The following GALK2 variants were observed in gnomAD, a reference collection of about 807,000 sequenced individuals.
GALK2 encodes the protein N-acetylgalactosamine kinase.
In GALK2, 36 loss-of-function variants were observed where a neutral mutation model predicts 52.4. The ratio of observed to expected loss-of-function variants is 0.69; its 90% confidence interval spans 0.53 to 0.91. The LOEUF is 0.91. GALK2 is among the 40% of genes least tolerant of loss of function. The pLI is 0.00. For synonymous variants in GALK2, 176 were observed against 199.1 expected (o/e 0.88, Z 0.98); for missense variants, 579 against 559.1 (o/e 1.04, Z -0.36).
chr15:49,219,239 A>G (rs771799129), intron 3 of GALK2, among the ~76,000 whole-genome samples: 8 of 152,172 alleles, frequency 5.3e-5, no homozygotes, highest in Non-Finnish European at 1.0e-4. Flanking sequence ...TAATTGAATC[A>G]TGGGGGCAAG....
intron 9 of GALK2, among the ~76,000 whole-genome samples, chr15:49,324,908 T>C (rs182392937): frequency 9.8e-5 from 15 of 152,294 alleles, no homozygotes; most frequent in Non-Finnish European, 1.9e-4. Context: ...CCTGAAATAA[T>C]TTATTTCATA....
intron 3 of GALK2, among the ~76,000 whole-genome samples, chr15:49,358,283 G>A (rs1375783922): frequency 1.5e-5 from 2 of 137,726 alleles, no homozygotes; most frequent in Non-Finnish European, 3.2e-5. Flanking sequence ...ATTAGGAAAA[G>A]AGGAAGTCAA....
chr15:49,335,348 G>T, downstream of GALK2: 2 of 993,784 alleles, frequency 2.0e-6, no homozygotes, highest in Non-Finnish European at 3.1e-6. Context: ...TAGTTTAGAT[G>T]ATTTCTCTGA....
intron 3 of GALK2, among the ~76,000 whole-genome samples, chr15:49,221,573 A>G (rs2089792970): frequency 6.6e-6 from 1 of 152,122 alleles, no homozygotes; most frequent in South Asian, 2.1e-4. Flanking sequence ...AGGCTGAGGC[A>G]GGAGAATTGC....
intron 1 of GALK2, 73 bp downstream of exon 1, chr15:49,170,448 G>A: frequency 1.4e-6 from 2 of 1,460,920 alleles, no homozygotes; most frequent in Non-Finnish European, 1.9e-6. Context: ...ACAGCACTTG[G>A]CTCCTCCCTT....
intron 5 of GALK2, among the ~76,000 whole-genome samples, chr15:49,243,628 CA>C (rs574894009): frequency 6.6e-6 from 1 of 150,706 alleles, no homozygotes; most frequent in Admixed American, 6.6e-5. Flanking sequence ...ACCAAACAAA[CA>C]AAAAAAACAG....
chr15:49,269,650 G>A (rs1312182321), intron 5 of GALK2, among the ~76,000 whole-genome samples: 3 of 152,056 alleles, frequency 2.0e-5, no homozygotes, highest in Admixed American at 6.5e-5. Context: ...AAGTTAAGAC[G>A]CTGCTGTCTC....
Position 49,328,555 on chromosome 15 carries a change from T to C in GALK2, c.*396T>C, listed in dbSNP as rs1356943578. ...ATGCATTATTCTTGAATAGAGTTCATTTCTGGTTTCTCTTAGTATTCTTCT... is the reference window on the plus strand; with the variant it reads ...ATGCATTATTCTTGAATAGAGTTCACTTCTGGTTTCTCTTAGTATTCTTCT... On this transcript the variant is annotated 3_prime_UTR_variant, in exon 10 of 10. Transcript: ENST00000560031. The C allele has an allele frequency of 3.2e-5, 52 of 1,606,428 alleles. No homozygotes were observed. The highest frequency in any genetic ancestry group is 8.9e-5 in the East Asian group (4 of 44,758).
At chr15:49,204,103 CAAA>C (rs373448754) in intron 2 of GALK2, among the ~76,000 whole-genome samples, 11 of 103,548 alleles carry the variant, frequency 1.1e-4, no homozygotes, top group Admixed American at 1.1e-4. Flanking sequence ...GATTCTGTCT[CAAA>C]AAAAAAAAAA....
chr15:49,365,815 A>C (rs780655776), intron 3 of GALK2: 9 of 867,152 alleles, frequency 1.0e-5, no homozygotes, highest in Non-Finnish European at 1.6e-5. Context: ...AGAGAGAAAC[A>C]TAAGTCTCAC....
chr15:49,357,471 A>G (rs559992525), intron 3 of GALK2, among the ~76,000 whole-genome samples: 14 of 152,118 alleles, frequency 9.2e-5, no homozygotes, highest in Non-Finnish European at 1.9e-4. Flanking sequence ...ATGCAAATAA[A>G]CTAGAAAATC....
chr15:49,321,931 G>A (rs1289418831), intron 9 of GALK2, among the ~76,000 whole-genome samples: 1 of 152,216 alleles, frequency 6.6e-6, no homozygotes, highest in African/African-American at 2.4e-5. Flanking sequence ...GTAATGTGTA[G>A]AGTAGGATGA....
chr15:49,283,573 T>G lies in GALK2; in HGVS notation c.611T>G (p.Leu204Trp), dbSNP rs1446677677. The change falls in exon 7 of 10, where the codon TTG becomes TGG. Residue 204 changes from leucine to tryptophan, a missense_variant. Physicochemically the swap from Leu to Trp is moderately conservative, Grantham distance 61. Coordinates refer to ENST00000560031, the MANE Select transcript of GALK2 (RefSeq NM_002044.4). ...TCATTTTTCTTCTAACAGGCCAAGT[T>G]GATAGAATTTAGTCCTCTGAGGGCA... ...SFLAEEGTAK[L>W]IEFSPLRATD... The G allele has an allele frequency of 6.2e-7, 1 of 1,610,558 alleles. No individual in the cohort carries two copies. Among genetic ancestry groups the G allele is most frequent in the Non-Finnish European group, 8.5e-7 (1 of 1,178,364 alleles).
intron 7 of GALK2, among the ~76,000 whole-genome samples, chr15:49,284,814 C>CTA (rs991888692): frequency 1.7e-4 from 26 of 152,158 alleles, no homozygotes; most frequent in Non-Finnish European, 1.5e-5. Flanking sequence ...GTATGTCTCT[C>CTA]TATATCTGCA....
chr15:49,312,123 G>A (rs142045375), intron 8 of GALK2, among the ~76,000 whole-genome samples: 2 of 152,280 alleles, frequency 1.3e-5, no homozygotes, highest in Non-Finnish European at 2.9e-5. Context: ...TCTAGATCCA[G>A]ACACCCTCTT....
At chr15:49,158,284 A>C (rs564715407) in intron 1 of GALK2, among the ~76,000 whole-genome samples, 1 of 152,356 alleles carries the variant, frequency 6.6e-6, no homozygotes, top group East Asian at 1.9e-4. Flanking sequence ...TGACGGAATG[A>C]GGCATTTGTA....
At chr15:49,274,373 A>AG (rs1235940564) in intron 5 of GALK2, among the ~76,000 whole-genome samples, 1 of 152,230 alleles carries the variant, frequency 6.6e-6, no homozygotes, top group Non-Finnish European at 1.5e-5. Flanking sequence ...AACATAAAAA[A>AG]GGTAAAGTAA....
chr15:49,231,268 G>T (rs965566535), intron 3 of GALK2, among the ~76,000 whole-genome samples: 1 of 152,142 alleles, frequency 6.6e-6, no homozygotes, highest in African/African-American at 2.4e-5. Context: ...GGAGGCAGAG[G>T]GCTGGGGGCA....
chr15:49,188,871 G>C (rs1296310376), intron 1 of GALK2, among the ~76,000 whole-genome samples: 1 of 152,148 alleles, frequency 6.6e-6, no homozygotes, highest in African/African-American at 2.4e-5. Context: ...AAAATAGAGA[G>C]GTGCTAGGCT....
Sources: allele counts gnomAD v4.1 joint callset (sites outside exome capture counted in the v4.1 genomes callset), GRCh38; gene constraint gnomAD v4.1.1; transcripts MANE v1.5; gene names NCBI Gene and HGNC (gene_info 2026-07-23, HGNC 2026-07-21).